NYAP2: variants seen among roughly 807,000 people sequenced by gnomAD.
NYAP2 encodes the protein neuronal tyrosine-phosphorylated phosphoinositide-3-kinase adaptor 2.
NYAP2 carries 23 observed loss-of-function variants against 50.4 expected under a neutral mutation model. The observed-to-expected ratio is 0.46, with a 90% CI of 0.33 to 0.65. The LOEUF is 0.65. Among genes scored for constraint, NYAP2 ranks in the 30% least tolerant of loss-of-function variants. The pLI, the probability that NYAP2 is intolerant of heterozygous loss-of-function variation, is 0.02. For synonymous variants in NYAP2, 394 were observed against 365.2 expected (o/e 1.08, Z -0.90); for missense variants, 885 against 861.0 (o/e 1.03, Z -0.35).
intron 3 of NYAP2, among the ~76,000 whole-genome samples, chr2:225,465,464 C>T (rs1234559687): frequency 6.6e-6 from 1 of 152,112 alleles, no homozygotes; most frequent in Non-Finnish European, 1.5e-5. Context: ...TGCCTGTAAT[C>T]ACAGCACTTT....
At chr2:225,408,775 A>G (rs1694980793) in intron 2 of NYAP2, 89 bp from the exon 3 acceptor site, 1 of 674,310 alleles carries the variant, frequency 1.5e-6, no homozygotes, top group South Asian at 1.9e-5. Flanking sequence ...GGCCATAATT[A>G]TTGGAGTTTT....
In NYAP2 at chr2:225,582,925, G is replaced by A. The variant is rs138500026; in HGVS notation, c.1508G>A (p.Arg503Gln). 130 of 1,612,900 alleles carry A rather than the reference G, an allele frequency of 8.1e-5. No homozygotes were observed. Among genetic ancestry groups the A allele is most frequent in the Non-Finnish European group, 1.1e-4 (125 of 1,179,830 alleles). The change falls in exon 5 of 7, where the codon CGG becomes CAG. Residue 503 changes from arginine (R) to glutamine (Q), a missense_variant. Arg to Gln is a conservative substitution (Grantham distance 43). Coordinates refer to ENST00000636099, the Ensembl canonical transcript of NYAP2. The surrounding 1 kb of genome is among the most constrained non-coding windows in gnomAD (Gnocchi z 7.0). ...TACGGGGCAGCCCCGGGTGGCTCCC[G>A]GTCCCGGACACCCACGAGCCCGCTG...
chr2:225,677,151 G>C, the NYAP2 span, among the ~76,000 whole-genome samples: 1 of 151,952 alleles, frequency 6.6e-6, no homozygotes, highest in Non-Finnish European at 1.5e-5. Context: ...GGATTTCTAT[G>C]TTTTTCATTT....
intron 4 of NYAP2, among the ~76,000 whole-genome samples, chr2:225,557,044 A>G (rs541816922): frequency 4.1e-4 from 63 of 152,312 alleles, no homozygotes; most frequent in African/African-American, 1.4e-3. Context: ...GAAAGAGGCC[A>G]AAGCAAAACA....
intron 5 of NYAP2, among the ~76,000 whole-genome samples, chr2:225,604,091 T>C (rs1692744095): frequency 6.6e-6 from 1 of 152,196 alleles, no homozygotes; most frequent in Non-Finnish European, 1.5e-5. Context: ...AACACCACGA[T>C]TCCCAAGGTA....
chr2:225,619,990 G>A (rs185621569), intron 5 of NYAP2, among the ~76,000 whole-genome samples: 106 of 152,296 alleles, frequency 7.0e-4, no homozygotes, highest in East Asian at 1.9e-3. Flanking sequence ...TAGAGGATAG[G>A]TGCGTTCTAT....
At chr2:225,666,759 A>G in the NYAP2 span, among the ~76,000 whole-genome samples, 3 of 152,042 alleles carry the variant, frequency 2.0e-5, no homozygotes, top group East Asian at 5.8e-4. Flanking sequence ...CTAGATTCTT[A>G]ATCTTTTCAG....
intron 3 of NYAP2, among the ~76,000 whole-genome samples, chr2:225,511,770 A>G (rs1270983048): frequency 6.6e-6 from 1 of 152,196 alleles, no homozygotes; most frequent in Non-Finnish European, 1.5e-5. Flanking sequence ...TATTGTTCCT[A>G]CTGGAATGTT....
chr2:225,440,665 C>T (rs2106140405), intron 3 of NYAP2, among the ~76,000 whole-genome samples: 1 of 152,214 alleles, frequency 6.6e-6, no homozygotes, highest in East Asian at 1.9e-4. Context: ...TGATATAAAG[C>T]ACAGACTTGA....
At chr2:225,541,648 A>G (rs754474952) in intron 4 of NYAP2, among the ~76,000 whole-genome samples, 5 of 152,062 alleles carry the variant, frequency 3.3e-5, no homozygotes, top group Admixed American at 6.6e-5. Flanking sequence ...CCATTGGTCT[A>G]TGTGTCTGTT....
exon 4 of NYAP2, chr2:225,513,660 G>C (rs758353225): frequency 6.6e-7 from 1 of 1,510,754 alleles, no homozygotes; most frequent in South Asian, 1.3e-5. Flanking sequence ...GAAAACCCCT[G>C]AGAGGACTGA....
At chr2:225,449,527 A>T (rs866125360) in intron 3 of NYAP2, among the ~76,000 whole-genome samples, 15 of 152,244 alleles carry the variant, frequency 9.9e-5, no homozygotes, top group African/African-American at 3.6e-4. Context: ...TTCTTTTCAA[A>T]CTACATTTTT....
intron 5 of NYAP2, among the ~76,000 whole-genome samples, chr2:225,625,115 C>T (rs2106256894): frequency 6.9e-6 from 1 of 145,162 alleles, no homozygotes. Flanking sequence ...TAAAAAAATT[C>T]CTTATTTGAA....
chr2:225,407,682 C>T (rs1694965419), intron 2 of NYAP2, among the ~76,000 whole-genome samples: 1 of 151,924 alleles, frequency 6.6e-6, no homozygotes, highest in African/African-American at 2.4e-5. Flanking sequence ...TAATATCTTT[C>T]TAAGTTTTGT....
At chr2:225,481,289 C>G (rs1476948877) in intron 3 of NYAP2, among the ~76,000 whole-genome samples, 1 of 152,050 alleles carries the variant, frequency 6.6e-6, no homozygotes, top group Non-Finnish European at 1.5e-5. Flanking sequence ...ATTCTCTTCA[C>G]TAAATGGTCA....
intron 5 of NYAP2, among the ~76,000 whole-genome samples, chr2:225,622,492 ATTTTATTTC>A (rs1460852806): frequency 4.1e-5 from 5 of 123,334 alleles, no homozygotes; most frequent in African/African-American, 1.2e-4. Context: ...ACATTAACCA[ATTTTATTTC>A]TTTTCTTTCT....
At chr2:225,685,600 G>T in the NYAP2 span, among the ~76,000 whole-genome samples, 70 of 152,212 alleles carry the variant, frequency 4.6e-4, no homozygotes, top group Non-Finnish European at 1.6e-4. Context: ...TGAGAAATAA[G>T]TTCTGTCTTC....
chr2:225,583,105 T>A (rs1004173403), intron 5 of NYAP2, 70 bp downstream of exon 5: 2 of 1,530,446 alleles, frequency 1.3e-6, no homozygotes, highest in African/African-American at 2.7e-5. Context: ...AAGCCCATTG[T>A]GTGCAGATAA....
intron 6 of NYAP2, 27 bp downstream of exon 6, chr2:225,627,153 G>T (rs1349236351): frequency 6.6e-7 from 1 of 1,513,074 alleles, no homozygotes; most frequent in Non-Finnish European, 9.0e-7. Flanking sequence ...TCTTCCAGAA[G>T]GTAATTCCTC....
Sources: gnomAD v4.1 joint callset for allele counts (sites outside exome capture counted in the v4.1 genomes callset) on GRCh38, gnomAD v4.1.1 for gene constraint, Gnocchi (gnomAD v3.1) non-coding constraint, MANE v1.5 for transcripts, NCBI Gene and HGNC (gene_info 2026-07-23, HGNC 2026-07-21) for gene names.